Variants in BCAS3 observed in about 807,000 individuals in gnomAD.
BCAS3 encodes BCAS3 microtubule associated cell migration factor, also known as BCAS4/BCAS3 fusion.
A neutral mutation model predicts 116.1 loss-of-function variants in BCAS3; 53 were observed. The ratio of observed to expected loss-of-function variants is 0.46; its 90% CI spans 0.37 to 0.57. The LOEUF (loss-of-function observed/expected upper bound fraction) is 0.57. BCAS3 is among the 20% of genes least tolerant of loss of function. The pLI is 0.00. For missense variants in BCAS3, 917 were observed against 1,165.4 expected (o/e 0.79, Z 3.10); for synonymous variants, 391 against 408.2 (o/e 0.96, Z 0.51).
intron 19 of BCAS3, among the ~76,000 whole-genome samples, chr17:61,057,112 A>G (rs1368613168): frequency 6.6e-6 from 1 of 152,174 alleles, no homozygotes; most frequent in Non-Finnish European, 1.5e-5. Flanking sequence ...TGTTGTTTAT[A>G]TGTATATCTG....
chr17:60,808,610 A>G (rs1221930213), intron 7 of BCAS3, among the ~76,000 whole-genome samples: 1 of 152,200 alleles, frequency 6.6e-6, no homozygotes, highest in Non-Finnish European at 1.5e-5. Context: ...CTACAAGACA[A>G]ATTTCTTCAA....
chr17:61,026,869 T>C lies in BCAS3; in HGVS notation c.1638-7797T>C. 1.3e-6 allele frequency: 2 copies of C among 1,598,062 alleles called. No homozygotes were observed. Among genetic ancestry groups the C allele is most frequent in the Non-Finnish European group, 1.7e-6 (2 of 1,171,190 alleles). ...TTTTTCCCCCTTTTCCATGAAGGCC[T>C]TATCTCTTTGGAGCGGGGTGTTTTT... is the stretch of plus-strand genomic sequence containing the variant. On this transcript the variant is annotated intron_variant, in intron 16 of 23. Coordinates refer to ENST00000407086, the MANE Select transcript of BCAS3 (RefSeq NM_017679.5). The surrounding 1 kb of genome is among the most constrained non-coding windows in gnomAD (Gnocchi z 5.0).
chr17:60,868,309 G>A (rs915022868), intron 7 of BCAS3, among the ~76,000 whole-genome samples: 1 of 152,108 alleles, frequency 6.6e-6, no homozygotes, highest in Non-Finnish European at 1.5e-5. Context: ...ACAGGTGTGA[G>A]TAACTGCACC....
intron 6 of BCAS3, among the ~76,000 whole-genome samples, chr17:60,785,053 C>T (rs545227239): frequency 2.6e-5 from 4 of 152,108 alleles, no homozygotes; most frequent in African/African-American, 7.2e-5. Context: ...GAGCTGAGAT[C>T]GTGCCATTGC....
chr17:61,058,566 T>TACTG (rs1466996707), intron 19 of BCAS3, among the ~76,000 whole-genome samples: 1 of 152,208 alleles, frequency 6.6e-6, no homozygotes, highest in Non-Finnish European at 1.5e-5. Flanking sequence ...AACAAACCAG[T>TACTG]ATTTTCTACG....
rs111964162 is a variant in BCAS3 at position 60,727,358 on chromosome 17, C to T, written c.321+18033C>T. 15,008 of 1,525,324 alleles carry T rather than the reference C, an allele frequency of 9.8e-3. 553 individuals carry two copies. In the African/African-American group the frequency reaches 0.1, roughly 10 times the overall value. The allele number at this position is 1,525,324 out of a possible 1,614,324, so 94.5% of individuals were successfully genotyped here. ...CTGCCCACCATAGCCACTCTGCTTC[C>T]GATCATAGCGCCTCTTTCCCTGGGC... is the stretch of plus-strand genomic sequence containing the variant. On this transcript the variant is annotated intron_variant, in intron 5 of 23. Coordinates refer to ENST00000407086, the MANE Select transcript of BCAS3 (RefSeq NM_017679.5).
At position 61,214,748 on chromosome 17, in the gene BCAS3, A is replaced by G. The variant is rs2081682872; in HGVS notation, c.2425+130184A>G. ...ACATTTTTTAATGAACTATAGGGATATTTTGATGGACTGTTCTTTGGAATT... is the reference window on the plus strand; with the variant it reads ...ACATTTTTTAATGAACTATAGGGATGTTTTGATGGACTGTTCTTTGGAATT... On this transcript the variant is annotated intron_variant, in intron 22 of 23. Transcript: ENST00000407086. The surrounding 1 kb of genome is among the most constrained non-coding windows in gnomAD (Gnocchi z 4.4). 6.6e-6 allele frequency among the ~76,000 whole-genome samples: 1 copy of G among 152,216 alleles called. No homozygotes were observed. Among genetic ancestry groups the G allele is most frequent in the African/African-American group, 2.4e-5 (1 of 41,462 alleles).
chr17:61,238,719 C>T (rs768346107), intron 22 of BCAS3, among the ~76,000 whole-genome samples: 10 of 152,072 alleles, frequency 6.6e-5, no homozygotes, highest in Admixed American at 2.6e-4. Context: ...GTGTCTTCAC[C>T]GTATTCTTAT....
At chr17:61,040,987 TA>T in intron 19 of BCAS3, 95 bp downstream of exon 19, 1 of 1,015,330 alleles carries the variant, frequency 9.8e-7, no homozygotes, top group Non-Finnish European at 1.5e-6. Flanking sequence ...CACTGGTCCA[TA>T]GGCCATGGGC....
intron 23 of BCAS3, among the ~76,000 whole-genome samples, chr17:61,382,259 CT>C (rs149187858): frequency 1.1e-4 from 16 of 145,518 alleles, no homozygotes; most frequent in African/African-American, 1.5e-4. Context: ...TGTTTTTTGG[CT>C]TTTTTTTTTC....
Position 60,915,334 on chromosome 17 carries a change from A to G in BCAS3, c.993+4632A>G, listed in dbSNP as rs527771383. ...CTACAGGTCTTAATCAGTTTTCTCT[A>G]TTTGTTTAACCTGCATTCATTGGTG... is the stretch of plus-strand genomic sequence containing the variant. On this transcript the variant is annotated intron_variant, in intron 12 of 23. Coordinates refer to ENST00000407086, the MANE Select transcript of BCAS3 (RefSeq NM_017679.5). Among the ~76,000 whole-genome samples the G allele has an allele frequency of 4.5e-4, 68 of 152,202 alleles. 3 individuals carry two copies. In the South Asian group the frequency reaches 0.013, roughly 30 times the overall value.
At chr17:60,799,503 A>C (rs1441610602) in intron 6 of BCAS3, among the ~76,000 whole-genome samples, 1 of 143,658 alleles carries the variant, frequency 7.0e-6, no homozygotes, top group Non-Finnish European at 1.5e-5. Context: ...ACAATATGTA[A>C]GTTTTTTGAG....
At chr17:61,153,522 C>T (rs902184919) in intron 22 of BCAS3, among the ~76,000 whole-genome samples, 1 of 152,190 alleles carries the variant, frequency 6.6e-6, no homozygotes, top group African/African-American at 2.4e-5. Context: ...CCTCACCAAA[C>T]CCCCAGTGTA....
At chr17:61,372,556 T>C (rs2059105977) in intron 23 of BCAS3, among the ~76,000 whole-genome samples, 1 of 152,082 alleles carries the variant, frequency 6.6e-6, no homozygotes, top group Non-Finnish European at 1.5e-5. Context: ...GCCCTTTCCT[T>C]CTCTCGAGTT....
chr17:60,911,862 A>G (rs2058533807), intron 12 of BCAS3, among the ~76,000 whole-genome samples: 1 of 152,248 alleles, frequency 6.6e-6, no homozygotes, highest in Non-Finnish European at 1.5e-5. Flanking sequence ...TTTCTTATCA[A>G]TATAAAAATA....
intron 22 of BCAS3, among the ~76,000 whole-genome samples, chr17:61,147,826 A>G (rs2077318304): frequency 6.6e-6 from 1 of 152,072 alleles, no homozygotes; most frequent in Admixed American, 6.5e-5. Context: ...ATCTCTACTA[A>G]AAATACAAAA....
chr17:61,256,834 C>T lies in BCAS3; in HGVS notation c.2426-111493C>T, dbSNP rs928980671. 6.6e-6 allele frequency among the ~76,000 whole-genome samples: 1 copy of T among 152,184 alleles called. No individual in the cohort carries two copies. The highest frequency in any genetic ancestry group is 2.4e-5 in the African/African-American group (1 of 41,452). ...AAGTGATCTTCTCAGGCCTCAACCCCAGCCCATGCAGATGGTATTTGAGCC... is the reference window on the plus strand; with the variant it reads ...AAGTGATCTTCTCAGGCCTCAACCCTAGCCCATGCAGATGGTATTTGAGCC... On this transcript the variant is annotated intron_variant, in intron 22 of 23. Transcript: ENST00000407086. This position sits in a 1 kb window ranked among gnomAD's most constrained non-coding sequence, Gnocchi z 5.6.
chr17:61,273,566 A>G (rs1432142040), intron 22 of BCAS3, among the ~76,000 whole-genome samples: 3 of 151,652 alleles, frequency 2.0e-5, no homozygotes, highest in Admixed American at 6.6e-5. Flanking sequence ...ATCCTATTTT[A>G]TAGTTTGTTG....
intron 22 of BCAS3, among the ~76,000 whole-genome samples, chr17:61,146,018 C>G (rs2077181835): frequency 6.6e-6 from 1 of 151,944 alleles, no homozygotes; most frequent in South Asian, 2.1e-4. Context: ...CCCTGCAGCT[C>G]TTCTGCTTTG....
Sources: allele counts gnomAD v4.1 joint callset (sites outside exome capture counted in the v4.1 genomes callset), GRCh38; gene constraint gnomAD v4.1.1; non-coding constraint Gnocchi (gnomAD v3.1); transcripts MANE v1.5; gene names NCBI Gene and HGNC (gene_info 2026-07-23, HGNC 2026-07-21).